The following KMT2E variants were observed in gnomAD, a reference collection of about 807,000 sequenced individuals.
The protein encoded by KMT2E is histone reader KMT2E.
In KMT2E, 30 loss-of-function variants were observed where a neutral mutation model predicts 184.6. The ratio of observed to expected loss-of-function variants is 0.16; its 90% CI spans 0.12 to 0.22. KMT2E has a LOEUF of 0.22. Ranked by LOEUF, KMT2E falls within the 10% of genes least tolerant of loss-of-function variation. KMT2E has a pLI of 1.00. For synonymous variants in KMT2E, 815 were observed against 776.5 expected (o/e 1.05, Z -0.82); for missense variants, 2,023 against 2,237.4 (o/e 0.90, Z 1.93).
chr7:105,059,687 A>G (rs1252893245), intron 3 of KMT2E, among the ~76,000 whole-genome samples: 1 of 152,190 alleles, frequency 6.6e-6, no homozygotes, highest in Non-Finnish European at 1.5e-5. Flanking sequence ...ACATTTAAAG[A>G]TGGAAAAAGT....
intron 13 of KMT2E, among the ~76,000 whole-genome samples, chr7:105,088,297 G>A (rs1798067860): frequency 1.3e-5 from 2 of 152,284 alleles, no homozygotes; most frequent in East Asian, 1.9e-4. Flanking sequence ...ATTATTGTTT[G>A]TAGTTCTCTT....
chr7:105,038,960 C>T (rs1291028014), intron 2 of KMT2E, among the ~76,000 whole-genome samples: 1 of 152,064 alleles, frequency 6.6e-6, no homozygotes, highest in Admixed American at 6.5e-5. Flanking sequence ...GTCTGCAGTT[C>T]TGTTTCAGAT....
chr7:105,032,795 T>G (rs1795480958), intron 1 of KMT2E, among the ~76,000 whole-genome samples: 1 of 152,260 alleles, frequency 6.6e-6, no homozygotes, highest in South Asian at 2.1e-4. Context: ...TGAGCCACCA[T>G]GTCCATCATA....
In KMT2E at chr7:105,107,021, T is replaced by G. The variant is rs1798929121; in HGVS notation, c.2848-145T>G. The G allele has an allele frequency of 7.9e-6, 5 of 629,470 alleles. No homozygotes were observed. In the South Asian group the frequency reaches 9.9e-5, roughly 12 times the overall value. The allele number at this position is 629,470 out of a possible 1,614,324, so 39.0% of individuals were successfully genotyped here. ...GTGTATCTAATTGATCTTAAAGCAGTCTTATTTGGGGAATGGAAATAAACA... is the reference window on the plus strand; with the variant it reads ...GTGTATCTAATTGATCTTAAAGCAGGCTTATTTGGGGAATGGAAATAAACA... On this transcript the variant is annotated intron_variant, in intron 20 of 26. Transcript: ENST00000311117.
At chr7:105,085,707 G>T (rs141731682) in intron 13 of KMT2E, among the ~76,000 whole-genome samples, 1 of 145,680 alleles carries the variant, frequency 6.9e-6, no homozygotes. Context: ...TTTTGGAGAC[G>T]GAGTCTCGCT....
At chr7:105,073,329 T>G (rs920229290) in intron 6 of KMT2E, among the ~76,000 whole-genome samples, 3 of 150,882 alleles carry the variant, frequency 2.0e-5, no homozygotes, top group African/African-American at 7.3e-5. Flanking sequence ...CCTGGAAGGT[T>G]GAGGCTGCAG....
intron 13 of KMT2E, among the ~76,000 whole-genome samples, chr7:105,089,749 A>G (rs1320998481): frequency 1.3e-5 from 2 of 152,200 alleles, no homozygotes; most frequent in African/African-American, 2.4e-5. Flanking sequence ...CATTTCAGGT[A>G]AGGCATGCTT....
rs1444008124 is a variant in KMT2E, at chr7:105,085,614, A to G, written c.1358+3817A>G. ...AAATTAAGAAATTAAAACATTATCC[A>G]TTGAAGCCCCTTAACGTTTAGCAGC... is the stretch of plus-strand genomic sequence containing the variant. On this transcript the variant is annotated intron_variant, in intron 13 of 26. Coordinates refer to ENST00000311117, the MANE Select transcript of KMT2E (RefSeq NM_182931.3). Among the ~76,000 whole-genome samples the G allele has an allele frequency of 3.3e-5, 5 of 152,156 alleles. No homozygotes were observed. In the East Asian group the frequency reaches 9.6e-4, roughly 29 times the overall value.
intron 5 of KMT2E, chr7:105,063,963 TA>T (rs1674851880): frequency 4.4e-6 from 2 of 451,230 alleles, no homozygotes; most frequent in Non-Finnish European, 8.8e-6. Context: ...TTGCGGAAAT[TA>T]AACATTTTCA....
intron 1 of KMT2E, among the ~76,000 whole-genome samples, chr7:105,031,351 C>T (rs552422221): frequency 9.5e-6 from 1 of 105,324 alleles, no homozygotes; most frequent in African/African-American, 3.8e-5. Context: ...GAGCAAACTC[C>T]GTCTGAGGAT....
intron 3 of KMT2E, among the ~76,000 whole-genome samples, chr7:105,044,639 G>A (rs1253478557): frequency 6.6e-6 from 1 of 152,150 alleles, no homozygotes; most frequent in Non-Finnish European, 1.5e-5. Context: ...CTGATTATCA[G>A]TTTGGAGCAG....
intron 3 of KMT2E, 143 bp from the exon 4 acceptor site, chr7:105,062,021 T>C (rs973066775): frequency 6.7e-6 from 4 of 594,184 alleles, no homozygotes; most frequent in Admixed American, 2.8e-5. Context: ...ATATATCTTA[T>C]CTATAGTGTA....
rs1796845005 is a variant in KMT2E, at chr7:105,062,256, G to A, written c.164G>A (p.Ser55Asn). 4.3e-6 allele frequency: 7 copies of A among 1,612,498 alleles called. No homozygotes were observed. Among genetic ancestry groups the A allele is most frequent in the Non-Finnish European group, 5.9e-6 (7 of 1,178,916 alleles). ...ACCAGCAGCTCACATCATTCACACA[G>A]TTACATTGGTTTGCCCTATGCGGTA... The part of the protein sequence containing the change: ...LYTSSSHHSH[S>N]YIGLPYADHN... Residue 55 changes from serine (S) to asparagine (N), a missense_variant, in exon 4 of 27, where the codon AGT becomes AAT. Coordinates refer to ENST00000311117, the MANE Select transcript of KMT2E (RefSeq NM_182931.3).
chr7:105,078,553 C>T (rs1347860321), intron 11 of KMT2E, among the ~76,000 whole-genome samples: 2 of 150,330 alleles, frequency 1.3e-5, no homozygotes, highest in African/African-American at 4.9e-5. Context: ...ATCAGTGAGG[C>T]ATGATCATGG....
chr7:105,088,795 A>G (rs1798088374), intron 13 of KMT2E, among the ~76,000 whole-genome samples: 1 of 152,248 alleles, frequency 6.6e-6, no homozygotes, highest in Admixed American at 6.5e-5. Context: ...TGGGGGCAAT[A>G]TCCTTACTGT....
chr7:105,095,239 CATG>C (rs1192250935), intron 15 of KMT2E, among the ~76,000 whole-genome samples: 1 of 152,064 alleles, frequency 6.6e-6, no homozygotes, highest in African/African-American at 2.4e-5. Context: ...CAGATTGTCT[CATG>C]AACTCTAGGT....
At chr7:105,079,659 G>A (rs557554662) in intron 12 of KMT2E, among the ~76,000 whole-genome samples, 1 of 150,412 alleles carries the variant, frequency 6.6e-6, no homozygotes, top group African/African-American at 2.4e-5. Context: ...TGAGTAGGTG[G>A]GACTGCAGGC....
Position 105,105,954 on chromosome 7 carries a change from T to C in KMT2E, c.2547T>C (p.Asn849=), listed in dbSNP as rs1798880227. ...CQERSRSPAV[N]GENKSPLLLN... ...AAAGATCCAGAAGTCCTGCAGTCAATGGTGAAAATAAAAGTCCACTACTAT... is the reference window on the plus strand; with the variant it reads ...AAAGATCCAGAAGTCCTGCAGTCAACGGTGAAAATAAAAGTCCACTACTAT... The change falls in exon 19 of 27, where the codon AAT becomes AAC. Residue 849 remains asparagine (N), a synonymous_variant. Coordinates refer to ENST00000311117, the MANE Select transcript of KMT2E (RefSeq NM_182931.3). 2 of 1,613,382 alleles carry C rather than the reference T, an allele frequency of 1.2e-6. No homozygotes were observed. The highest frequency in any genetic ancestry group is 1.7e-6 in the Non-Finnish European group (2 of 1,179,738).
At chr7:105,086,796 AAAT>A (rs1797982786) in intron 13 of KMT2E, among the ~76,000 whole-genome samples, 1 of 147,248 alleles carries the variant, frequency 6.8e-6, no homozygotes, top group Non-Finnish European at 1.5e-5. Flanking sequence ...TAATATATAA[AAAT>A]ATGATTATAT....
Sources: allele counts gnomAD v4.1 joint callset (sites outside exome capture counted in the v4.1 genomes callset), GRCh38; gene constraint gnomAD v4.1.1; transcripts MANE v1.5; gene names NCBI Gene and HGNC (gene_info 2026-07-23, HGNC 2026-07-21).